Variants in CAMK1D observed in about 807,000 individuals in gnomAD.
The protein encoded by CAMK1D is calcium/calmodulin dependent protein kinase ID, also known as calcium/calmodulin-dependent protein kinase type 1D.
A neutral mutation model predicts 47.7 loss-of-function variants in CAMK1D; 9 were observed. The ratio of observed to expected loss-of-function variants is 0.19; its 90% confidence interval spans 0.11 to 0.33. The LOEUF is 0.33. Ranked by LOEUF, CAMK1D falls within the 10% of genes least tolerant of loss-of-function variation. CAMK1D has a pLI of 1.00. For missense variants in CAMK1D, 291 were observed against 488.7 expected (o/e 0.60, Z 3.81); for synonymous variants, 184 against 184.9 (o/e 0.99, Z 0.04).
intron 1 of CAMK1D, among the ~76,000 whole-genome samples, chr10:12,484,546 A>G (rs1588540039): frequency 6.6e-6 from 1 of 152,222 alleles, no homozygotes; most frequent in East Asian, 1.9e-4. Context: ...CAGCCAAGTC[A>G]GGGAGCCACT....
intron 3 of CAMK1D, among the ~76,000 whole-genome samples, chr10:12,751,051 A>AATAAGATAAGATAAGATAAGATAAG (rs141001552): frequency 4.4e-5 from 6 of 136,452 alleles, no homozygotes; most frequent in East Asian, 2.2e-4. Context: ...CGTCTCCCCC[A>AATAAGATAAGATAAGATAAGATAAG]ATAAGATAAG....
At chr10:12,437,796 A>G (rs1832679002) in intron 1 of CAMK1D, among the ~76,000 whole-genome samples, 1 of 152,070 alleles carries the variant, frequency 6.6e-6, no homozygotes, top group South Asian at 2.1e-4. Flanking sequence ...CTGTCCTAAA[A>G]ATTCTCCCTC....
chr10:12,357,781 G>A (rs1168218826), intron 1 of CAMK1D, among the ~76,000 whole-genome samples: 1 of 152,154 alleles, frequency 6.6e-6, no homozygotes, highest in Non-Finnish European at 1.5e-5. Context: ...GCCTGATCTC[G>A]GTTCACGTTG....
At chr10:12,469,511 C>G (rs1833687088) in intron 1 of CAMK1D, among the ~76,000 whole-genome samples, 2 of 152,118 alleles carry the variant, frequency 1.3e-5, no homozygotes, top group Admixed American at 6.5e-5. Flanking sequence ...TTGCCGTGCT[C>G]TGCTACAGTC....
At chr10:12,388,063 T>G (rs1354199498) in intron 1 of CAMK1D, among the ~76,000 whole-genome samples, 2 of 152,088 alleles carry the variant, frequency 1.3e-5, no homozygotes, top group Non-Finnish European at 2.9e-5. Flanking sequence ...GCTTGTTCTT[T>G]GAGTAGGTTG....
At position 12,832,735 on chromosome 10, in the gene CAMK1D, T is replaced by G. The variant is rs1588979836; in HGVS notation, c.*3848T>G. ...TAGAGTCTCTGAGCCACCGCTGGCCTTTGAGAGAGTCTCACTCTCCAGCTA... is the reference window on the plus strand; with the variant it reads ...TAGAGTCTCTGAGCCACCGCTGGCCGTTGAGAGAGTCTCACTCTCCAGCTA... On this transcript the variant is annotated 3_prime_UTR_variant, in exon 11 of 11. Transcript: ENST00000619168. The G allele has an allele frequency of 6.6e-6, 1 of 152,384 alleles. No homozygotes were observed. Among genetic ancestry groups the G allele is most frequent in the Non-Finnish European group, 1.5e-5 (1 of 68,100 alleles). 9.4% of individuals were successfully genotyped at this position (152,384 alleles called of 1,614,324 possible).
chr10:12,395,462 G>A (rs915477854), intron 1 of CAMK1D, among the ~76,000 whole-genome samples: 3 of 152,106 alleles, frequency 2.0e-5, no homozygotes, highest in Admixed American at 1.3e-4. Flanking sequence ...TCACTGTGGA[G>A]GTTCCAAGGA....
At chr10:12,574,652 C>A (rs1354861343) in intron 2 of CAMK1D, among the ~76,000 whole-genome samples, 1 of 151,700 alleles carries the variant, frequency 6.6e-6, no homozygotes, top group Non-Finnish European at 1.5e-5. Context: ...CTGACTTCTT[C>A]CTCCTCGTGT....
At chr10:12,572,623 T>A (rs972038175) in intron 2 of CAMK1D, among the ~76,000 whole-genome samples, 1 of 151,368 alleles carries the variant, frequency 6.6e-6, no homozygotes, top group Non-Finnish European at 1.5e-5. Context: ...GGCAATTTAC[T>A]TTTTTTTTCT....
intron 1 of CAMK1D, among the ~76,000 whole-genome samples, chr10:12,491,476 A>G (rs754047015): frequency 1.3e-5 from 2 of 151,928 alleles, no homozygotes; most frequent in East Asian, 3.9e-4. Context: ...ATGTATATAT[A>G]TTTTTTTGTT....
chr10:12,601,123 C>A (rs1421357077), intron 2 of CAMK1D, among the ~76,000 whole-genome samples: 5 of 150,560 alleles, frequency 3.3e-5, no homozygotes, highest in East Asian at 3.9e-4. Flanking sequence ...ATAATCATTT[C>A]TTTCCTTTGG....
At chr10:12,556,368 C>T (rs917036619) in intron 2 of CAMK1D, among the ~76,000 whole-genome samples, 3 of 152,196 alleles carry the variant, frequency 2.0e-5, no homozygotes, top group Non-Finnish European at 2.9e-5. Context: ...TCCTTGCCCT[C>T]TGGGAGCTCA....
intron 3 of CAMK1D, among the ~76,000 whole-genome samples, chr10:12,683,182 G>C (rs1023673218): frequency 6.6e-6 from 1 of 151,312 alleles, no homozygotes; most frequent in Non-Finnish European, 1.5e-5. Context: ...CGCCTCCCCA[G>C]TTGAAGTGTT....
chr10:12,402,889 T>C (rs1428284237), intron 1 of CAMK1D, among the ~76,000 whole-genome samples: 3 of 152,054 alleles, frequency 2.0e-5, no homozygotes, highest in African/African-American at 7.2e-5. Flanking sequence ...CAAAAGGTGA[T>C]GAGTTCCAGA....
At chr10:12,763,581 T>G (rs985505681) in intron 4 of CAMK1D, among the ~76,000 whole-genome samples, 3 of 152,206 alleles carry the variant, frequency 2.0e-5, no homozygotes, top group African/African-American at 7.2e-5. Context: ...AGCAGCATCC[T>G]TGGCTTCTGC....
chr10:12,379,143 C>A (rs1441386089), intron 1 of CAMK1D, among the ~76,000 whole-genome samples: 1 of 152,136 alleles, frequency 6.6e-6, no homozygotes, highest in East Asian at 1.9e-4. Flanking sequence ...GCAAGAAAAT[C>A]TTTGAGGTAC....
At chr10:12,375,961 G>A (rs780056250) in intron 1 of CAMK1D, among the ~76,000 whole-genome samples, 1 of 151,780 alleles carries the variant, frequency 6.6e-6, no homozygotes, top group Non-Finnish European at 1.5e-5. Context: ...CCAGGAGTTC[G>A]AGACCAGCCT....
At chr10:12,356,713 CT>C (rs1837528029) in intron 1 of CAMK1D, among the ~76,000 whole-genome samples, 1 of 89,234 alleles carries the variant, frequency 1.1e-5, no homozygotes, top group Non-Finnish European at 2.0e-5. Flanking sequence ...CACAGTGAGA[CT>C]CCATTTCAAA....
At chr10:12,620,727 T>C (rs1207300178) in intron 2 of CAMK1D, among the ~76,000 whole-genome samples, 1 of 152,246 alleles carries the variant, frequency 6.6e-6, no homozygotes, top group East Asian at 1.9e-4. Flanking sequence ...TTTGTCCTTT[T>C]GTCCTCTTGA....
Sources: allele counts gnomAD v4.1 joint callset (sites outside exome capture counted in the v4.1 genomes callset), GRCh38; gene constraint gnomAD v4.1.1; transcripts MANE v1.5; gene names NCBI Gene and HGNC (gene_info 2026-07-23, HGNC 2026-07-21).